Variants in RABEP1 observed in about 807,000 individuals in gnomAD.
RABEP1 encodes rabaptin, RAB GTPase binding effector protein 1.
A neutral mutation model predicts 123.4 loss-of-function variants in RABEP1; 51 were observed. The observed-to-expected ratio is 0.41, with a 90% CI of 0.33 to 0.52. The LOEUF (loss-of-function observed/expected upper bound fraction) is 0.52. RABEP1 is among the 20% of genes least tolerant of loss of function. The pLI is 0.16. For synonymous variants in RABEP1, 347 were observed against 355.2 expected, an observed-to-expected ratio of 0.98 and a Z score of 0.26; for missense variants, 888 against 996.3, an observed-to-expected ratio of 0.89 and a Z score of 1.46.
At chr17:5,292,479 C>T (rs955487684) in intron 1 of RABEP1, among the ~76,000 whole-genome samples, 3 of 152,008 alleles carry the variant, frequency 2.0e-5, no homozygotes, top group African/African-American at 7.3e-5. Context: ...CCTCCACCTC[C>T]TGGGTTCAAG....
chr17:5,310,914 ACT>A (rs1211810017), intron 2 of RABEP1, among the ~76,000 whole-genome samples: 1 of 144,396 alleles, frequency 6.9e-6, no homozygotes, highest in Non-Finnish European at 1.5e-5. Context: ...GGTTCAAGCG[ACT>A]CTTGTGCCTT....
chr17:5,377,026 A>G, intron 13 of RABEP1, 90 bp from the exon 14 acceptor site: 1 of 1,347,088 alleles, frequency 7.4e-7, no homozygotes, highest in South Asian at 1.4e-5. Flanking sequence ...CATTAAAACA[A>G]CATCTGAGAT....
rs1422511346 is a variant in RABEP1 at position 5,350,537 on chromosome 17, C to G, written c.871C>G (p.Gln291Glu). The G allele has an allele frequency of 6.2e-7, 1 of 1,614,116 alleles. No individual in the cohort carries two copies. Among genetic ancestry groups the G allele is most frequent in the South Asian group, 1.1e-5 (1 of 91,072 alleles). ...GGCCAATGACCAGTTTCTGGAATCTCAGCGTTTACTGATGAGAGACATGCA... is the reference window on the plus strand; with the variant it reads ...GGCCAATGACCAGTTTCTGGAATCTGAGCGTTTACTGATGAGAGACATGCA... ...QKANDQFLES[Q>E]RLLMRDMQRM... is the part of the protein sequence containing the mutation. The change falls in exon 7 of 18, where the codon CAG (glutamine) becomes GAG (glutamate). Residue 291 changes from glutamine (Q) to glutamate (E), a missense_variant. By Grantham distance (29) the Gln-to-Glu change is conservative. Coordinates refer to ENST00000537505, the MANE Select transcript of RABEP1 (RefSeq NM_004703.6).
intron 1 of RABEP1, among the ~76,000 whole-genome samples, chr17:5,293,457 GTC>G (rs761663702): frequency 1.3e-5 from 2 of 152,060 alleles, no homozygotes; most frequent in South Asian, 2.1e-4. Flanking sequence ...TTGAGACAGG[GTC>G]TCTCTCCATC....
intron 2 of RABEP1, among the ~76,000 whole-genome samples, chr17:5,325,548 A>T (rs761007091): frequency 6.6e-6 from 1 of 152,024 alleles, no homozygotes; most frequent in Non-Finnish European, 1.5e-5. Flanking sequence ...AGATGAAGAG[A>T]AGTTGATTAA....
At chr17:5,295,164 C>T (rs1007797864) in intron 1 of RABEP1, among the ~76,000 whole-genome samples, 5 of 151,618 alleles carry the variant, frequency 3.3e-5, no homozygotes, top group African/African-American at 1.2e-4. Context: ...GGCAAATCAC[C>T]TGAAGTCAGG....
At chr17:5,283,574 G>T (rs2074949409) in intron 1 of RABEP1, among the ~76,000 whole-genome samples, 1 of 152,174 alleles carries the variant, frequency 6.6e-6, no homozygotes, top group African/African-American at 2.4e-5. Flanking sequence ...ATCAGCGTGT[G>T]TGCTTAGCAT....
chr17:5,364,227 T>A (rs372675734), intron 10 of RABEP1: 2 of 152,120 alleles, frequency 1.3e-5, no homozygotes, highest in South Asian at 2.1e-4. Flanking sequence ...GGCTAAAAAT[T>A]AGTCAGAAAA....
chr17:5,344,796 G>GA (rs1907929806), intron 5 of RABEP1, among the ~76,000 whole-genome samples: 1 of 83,020 alleles, frequency 1.2e-5, no homozygotes, highest in South Asian at 5.0e-4. Context: ...AAAAAAAAAA[G>GA]GAAAAACAGG....
At chr17:5,369,613 C>T (rs1049339367) in intron 12 of RABEP1, among the ~76,000 whole-genome samples, 4 of 152,106 alleles carry the variant, frequency 2.6e-5, no homozygotes, top group African/African-American at 4.8e-5. Flanking sequence ...ATAACACTGG[C>T]GTAAAAATCA....
chr17:5,371,382 T>A (rs1910521563), intron 12 of RABEP1: 1 of 152,248 alleles, frequency 6.6e-6, no homozygotes, highest in Admixed American at 6.5e-5. Flanking sequence ...CCATTTCCAT[T>A]CCCTGTCCTT....
At chr17:5,355,870 G>T (rs529852064) in intron 8 of RABEP1, among the ~76,000 whole-genome samples, 18 of 152,236 alleles carry the variant, frequency 1.2e-4, no homozygotes, top group Admixed American at 1.0e-3. Flanking sequence ...GTCTAATTCT[G>T]CTGTGCATTT....
intron 2 of RABEP1, among the ~76,000 whole-genome samples, chr17:5,326,820 A>C (rs2144584011): frequency 6.6e-6 from 1 of 152,200 alleles, no homozygotes; most frequent in African/African-American, 2.4e-5. Context: ...AAAAATAAGA[A>C]AATACAGTTA....
rs920837670 is a variant in RABEP1, at chr17:5,364,844, A to C, written c.1669-278A>C. On this transcript the variant is annotated intron_variant, in intron 10 of 17. Coordinates refer to ENST00000537505, the MANE Select transcript of RABEP1 (RefSeq NM_004703.6). The stretch of plus-strand genomic sequence containing the variant: ...ATTGTAGACTGGAGACAGAGGATAC[A>C]CTCTAGTTAGGGAGAACAGTGTCAT... 2.0e-5 allele frequency among the ~76,000 whole-genome samples: 3 copies of C among 152,100 alleles called. No homozygotes were observed. The East Asian group carries it at 5.8e-4, about 29-fold the overall frequency.
Position 5,282,331 on chromosome 17 carries a change from C to T in RABEP1, c.-156C>T, listed in dbSNP as rs2074931792. On this transcript the variant is annotated 5_prime_UTR_variant, in exon 1 of 18. Transcript: ENST00000537505. ...CGGCGGTCGGGTCCGTCTCTGCCCGCGGCTGTGGCGGCGCCGGCGGATCCA... is the reference window on the plus strand; with the variant it reads ...CGGCGGTCGGGTCCGTCTCTGCCCGTGGCTGTGGCGGCGCCGGCGGATCCA... 3.9e-6 allele frequency: 2 copies of T among 509,150 alleles called. No individual in the cohort carries two copies. The highest frequency in any genetic ancestry group is 6.2e-6 in the Non-Finnish European group (2 of 322,878). The allele number at this position is 509,150 out of a possible 1,614,324, so 31.5% of individuals were successfully genotyped here. A position where few individuals can be genotyped will look rare whatever the true frequency, so the allele number is the denominator to read the frequency against.
intron 1 of RABEP1, among the ~76,000 whole-genome samples, chr17:5,304,914 TTTTC>T (rs1323287750): frequency 3.3e-5 from 5 of 152,216 alleles, no homozygotes; most frequent in African/African-American, 9.6e-5. Context: ...TCACTACTTT[TTTTC>T]TTTATTCATT....
chr17:5,323,307 G>C (rs752150852), intron 2 of RABEP1, among the ~76,000 whole-genome samples: 1 of 152,078 alleles, frequency 6.6e-6, no homozygotes, highest in East Asian at 1.9e-4. Context: ...GAACAAGGAC[G>C]CCCACTTCAG....
Position 5,381,378 on chromosome 17 carries a change from G to T in RABEP1, c.2371-11G>T. ...TGGCATTAATCTTCATTCAAAACTTGTATTTTTTAGGCTACCGTTGAACAA... is the reference window on the plus strand; with the variant it reads ...TGGCATTAATCTTCATTCAAAACTTTTATTTTTTAGGCTACCGTTGAACAA... On this transcript the variant is annotated splice_polypyrimidine_tract_variant and intron_variant, in intron 16 of 17. Coordinates refer to ENST00000537505, the MANE Select transcript of RABEP1 (RefSeq NM_004703.6). 2 of 1,606,234 alleles carry T rather than the reference G, an allele frequency of 1.2e-6. No homozygotes were observed. Among genetic ancestry groups the T allele is most frequent in the South Asian group, 1.1e-5 (1 of 89,096 alleles).
Position 5,296,449 on chromosome 17 carries a change from C to T in RABEP1, c.35-12245C>T, listed in dbSNP as rs187330017. On this transcript the variant is annotated intron_variant, in intron 1 of 17. Coordinates refer to ENST00000537505, the MANE Select transcript of RABEP1 (RefSeq NM_004703.6). ...CGGCTAATTTTGTATTTTTAGTAGA[C>T]TGGGTTTCTACATGTTGATGAGGCC... Among the ~76,000 whole-genome samples, 475 of 152,078 alleles carry T rather than the reference C, an allele frequency of 3.1e-3. 1 individual carries two copies. The highest frequency in any genetic ancestry group is 5.4e-3 in the Non-Finnish European group (366 of 67,990).
Sources: gnomAD v4.1 joint callset for allele counts (sites outside exome capture counted in the v4.1 genomes callset) on GRCh38, gnomAD v4.1.1 for gene constraint, MANE v1.5 for transcripts, NCBI Gene and HGNC (gene_info 2026-07-23, HGNC 2026-07-21) for gene names.